The following LRRC53 variants were observed in gnomAD, a reference collection of about 807,000 sequenced individuals.
The protein encoded by LRRC53 is leucine-rich repeat-containing protein 53.
In LRRC53, 25 loss-of-function variants were observed where a neutral mutation model predicts 13.6. That is an observed-to-expected ratio of 1.83 (90% CI 1.34 to 2.56). LRRC53 has a LOEUF of 2.56. Ranked by LOEUF, LRRC53 falls within the 30% of genes most tolerant of loss-of-function variation. The pLI is 0.00. For missense variants in LRRC53, 527 were observed against 275.8 expected (o/e 1.91, Z -6.45); for synonymous variants, 204 against 109.8 (o/e 1.86, Z -5.37).
intron 4 of LRRC53, among the ~76,000 whole-genome samples, chr1:74,472,551 C>T (rs960610453): frequency 1.3e-5 from 2 of 151,856 alleles, no homozygotes; most frequent in Non-Finnish European, 2.9e-5. Context: ...TAATTTTTTC[C>T]TGAATTCATT....
rs114395257 is a variant in LRRC53 at position 74,500,764 on chromosome 1, T to C, written c.-27+11762A>G. 9.1e-3 allele frequency among the ~76,000 whole-genome samples: 1,378 copies of C among 152,022 alleles called. 23 individuals carry two copies. The highest frequency in any genetic ancestry group is 0.032 in the African/African-American group (1,333 of 41,516). On this transcript the variant is annotated intron_variant, in intron 1 of 4. Transcript: ENST00000294635. ...GAGGATTTTAATTGTTCAGTTACTT[T>C]TTTCCCTGCACCTTCAGGGGGAAAA...
At chr1:74,476,276 A>T (rs981385406) in intron 3 of LRRC53, among the ~76,000 whole-genome samples, 1 of 151,962 alleles carries the variant, frequency 6.6e-6, no homozygotes, top group African/African-American at 2.4e-5. Flanking sequence ...CCATGTGCCG[A>T]CTCTAACCTG....
chr1:74,536,496 C>A, the LRRC53 span, among the ~76,000 whole-genome samples: 1 of 152,012 alleles, frequency 6.6e-6, no homozygotes, highest in East Asian at 1.9e-4. Flanking sequence ...TCCTAATGCA[C>A]CTTTATAAAA....
At chr1:74,527,173 G>A in the LRRC53 span, among the ~76,000 whole-genome samples, 17 of 152,288 alleles carry the variant, frequency 1.1e-4, no homozygotes, top group East Asian at 3.9e-4. Flanking sequence ...TTACTAGCCC[G>A]TGCCAGGTGC....
At chr1:74,488,264 A>T (rs1174430485) in intron 1 of LRRC53, among the ~76,000 whole-genome samples, 1 of 152,080 alleles carries the variant, frequency 6.6e-6, no homozygotes, top group Non-Finnish European at 1.5e-5. Context: ...CACTGCTCCC[A>T]CTGCTCCCAC....
intron 1 of LRRC53, among the ~76,000 whole-genome samples, chr1:74,503,390 T>C (rs565055249): frequency 2.0e-5 from 3 of 152,236 alleles, no homozygotes; most frequent in Non-Finnish European, 2.9e-5. Context: ...ATGATATCTA[T>C]AGAATTTACA....
chr1:74,473,476 T>TGCAAAACATCTTAACC (rs1668037264), intron 4 of LRRC53, among the ~76,000 whole-genome samples: 3 of 152,130 alleles, frequency 2.0e-5, no homozygotes, highest in African/African-American at 7.2e-5. Context: ...AAATCTTAAC[T>TGCAAAACATCTTAACC]GCAAAACATC....
At chr1:74,497,259 A>C (rs746986998) in intron 1 of LRRC53, among the ~76,000 whole-genome samples, 4 of 152,318 alleles carry the variant, frequency 2.6e-5, no homozygotes, top group Non-Finnish European at 5.9e-5. Context: ...CATTTGCTTC[A>C]GTATAGCAGA....
chr1:74,511,649 G>A (rs924617871), intron 1 of LRRC53, among the ~76,000 whole-genome samples: 1 of 152,030 alleles, frequency 6.6e-6, no homozygotes, highest in African/African-American at 2.4e-5. Flanking sequence ...GATCTCTTCA[G>A]TCCTGGGGGA....
chr1:74,534,872 T>C, the LRRC53 span, among the ~76,000 whole-genome samples: 1 of 152,178 alleles, frequency 6.6e-6, no homozygotes, highest in African/African-American at 2.4e-5. Flanking sequence ...TAAATGGAAA[T>C]GTAGTTCCTC....
rs983298134 is a variant in LRRC53 at position 74,470,500 on chromosome 1, G to A, written c.3122C>T (p.Ser1041Phe). The change falls in exon 5 of 5, where the codon TCT (serine) becomes TTT (phenylalanine). Residue 1041 changes from serine (S) to phenylalanine (F), a missense_variant. Physicochemically the swap from Ser to Phe is radical, Grantham distance 155. Coordinates refer to ENST00000294635, the MANE Select transcript of LRRC53 (RefSeq NM_001382280.1). ...RIELPKDIST[S>F]PVSSQAVWHL... The stretch of plus-strand genomic sequence containing the variant: ...CCAAACGGCTTGACTACTAACAGGA[G>A]AAGTACTGATATCCTTGGGAAGTTC... 2.5e-6 allele frequency: 1 copy of A among 400,696 alleles called. No individual in the cohort carries two copies. Among genetic ancestry groups the A allele is most frequent in the Non-Finnish European group, 4.4e-6 (1 of 226,192 alleles). The allele number at this position is 400,696 out of a possible 1,614,324, so 24.8% of individuals were successfully genotyped here. A position where few individuals can be genotyped will look rare whatever the true frequency, so the allele number is the denominator to read the frequency against.
intron 1 of LRRC53, among the ~76,000 whole-genome samples, chr1:74,497,509 A>G (rs968914113): frequency 6.6e-6 from 1 of 151,736 alleles, no homozygotes; most frequent in Non-Finnish European, 1.5e-5. Flanking sequence ...TCCTCTTTCC[A>G]TGGGTCTTCT....
chr1:74,524,862 G>T, the LRRC53 span, among the ~76,000 whole-genome samples: 49 of 152,302 alleles, frequency 3.2e-4, no homozygotes, highest in Admixed American at 6.5e-4. Flanking sequence ...GCATGCCACT[G>T]CAGGGGTTTG....
intron 1 of LRRC53, among the ~76,000 whole-genome samples, chr1:74,485,483 T>A (rs572982282): frequency 3.3e-5 from 5 of 152,318 alleles, no homozygotes; most frequent in Admixed American, 1.3e-4. Context: ...CTACTGCGTA[T>A]TTGTGATAAG....
Position 74,472,199 on chromosome 1 carries a change from T to C in LRRC53, c.1423A>G (p.Ile475Val). The change falls in exon 5 of 5, where the codon ATC becomes GTC. Residue 475 changes from isoleucine (I) to valine (V), a missense_variant and splice_region_variant. By Grantham distance (29) the Ile-to-Val change is conservative. Coordinates refer to ENST00000294635, the MANE Select transcript of LRRC53 (RefSeq NM_001382280.1). ...LQHHIIRTED[I>V]SSDIFRRRYA... ...CTTCTTCTAAATATGTCACTGCTGA[T>C]ATCTGTGGAACAATAAATGCAAGAA... The C allele has an allele frequency of 1.4e-6, 1 of 716,736 alleles. No individual in the cohort carries two copies. The highest frequency in any genetic ancestry group is 1.5e-5 in the South Asian group (1 of 67,526). 44.4% of individuals were successfully genotyped at this position (716,736 alleles called of 1,614,324 possible).
intron 1 of LRRC53, among the ~76,000 whole-genome samples, chr1:74,496,716 TA>T (rs1414795547): frequency 6.6e-6 from 1 of 152,200 alleles, no homozygotes; most frequent in Non-Finnish European, 1.5e-5. Context: ...CATAACTTGA[TA>T]AAATCTGAGA....
intron 1 of LRRC53, among the ~76,000 whole-genome samples, chr1:74,488,675 A>G (rs1011031169): frequency 7.2e-5 from 11 of 152,206 alleles, no homozygotes; most frequent in Admixed American, 6.6e-4. Context: ...TTTTAATGGC[A>G]CTGTCTGAAG....
At chr1:74,502,215 A>C (rs933874405) in intron 1 of LRRC53, among the ~76,000 whole-genome samples, 2 of 152,148 alleles carry the variant, frequency 1.3e-5, no homozygotes, top group Non-Finnish European at 2.9e-5. Context: ...GTAGATTGTA[A>C]ACATCATGCA....
At chr1:74,499,049 A>C (rs1249922535) in intron 1 of LRRC53, among the ~76,000 whole-genome samples, 4 of 152,248 alleles carry the variant, frequency 2.6e-5, no homozygotes, top group Non-Finnish European at 4.4e-5. Flanking sequence ...AGAGAAATGA[A>C]TAAATAAACA....
Sources: allele counts gnomAD v4.1 joint callset (sites outside exome capture counted in the v4.1 genomes callset), GRCh38; gene constraint gnomAD v4.1.1; transcripts MANE v1.5; gene names NCBI Gene and HGNC (gene_info 2026-07-23, HGNC 2026-07-21).